The following KLHL2 variants were observed in gnomAD, a reference collection of about 807,000 sequenced individuals.
KLHL2 encodes kelch like family member 2.
A neutral mutation model predicts 75.8 loss-of-function variants in KLHL2; 15 were observed. The ratio of observed to expected loss-of-function variants is 0.20; its 90% CI spans 0.13 to 0.30. The LOEUF (loss-of-function observed/expected upper bound fraction) is 0.30. KLHL2 is among the 10% of genes least tolerant of loss of function. KLHL2 has a pLI of 1.00. For synonymous variants in KLHL2, 214 were observed against 251.9 expected (o/e 0.85, Z 1.42); for missense variants, 381 against 741.0 (o/e 0.51, Z 5.64).
intron 5 of KLHL2, among the ~76,000 whole-genome samples, chr4:165,290,902 G>T (rs1479198462): frequency 2.6e-5 from 4 of 152,182 alleles, no homozygotes; most frequent in Non-Finnish European, 5.9e-5. Context: ...AGGGGGTGGA[G>T]TTTGTTTGAT....
chr4:165,208,570 A>C (rs180935300), intron 1 of KLHL2: 4 of 152,314 alleles, frequency 2.6e-5, no homozygotes, highest in African/African-American at 9.6e-5. Flanking sequence ...ATTCAAGATC[A>C]CTGGCAACAG....
chr4:165,293,757 C>A (rs553257203), intron 5 of KLHL2, among the ~76,000 whole-genome samples: 54 of 148,780 alleles, frequency 3.6e-4, no homozygotes, highest in African/African-American at 1.2e-3. Context: ...ACCTTGTGAT[C>A]CGCCCGCCTC....
chr4:165,290,586 A>G (rs958078020), intron 5 of KLHL2, among the ~76,000 whole-genome samples: 1 of 152,132 alleles, frequency 6.6e-6, no homozygotes, highest in African/African-American at 2.4e-5. Flanking sequence ...TAATTTTTTT[A>G]TATAAACTTC....
chr4:165,270,517 C>T (rs560055144), intron 5 of KLHL2, among the ~76,000 whole-genome samples: 94 of 152,282 alleles, frequency 6.2e-4, no homozygotes, highest in Middle Eastern at 6.8e-3. Flanking sequence ...GTGTGGATGT[C>T]CTTTTTGTTG....
At chr4:165,239,375 G>A (rs547299304) in intron 4 of KLHL2, among the ~76,000 whole-genome samples, 8 of 150,964 alleles carry the variant, frequency 5.3e-5, no homozygotes, top group Admixed American at 2.0e-4. Flanking sequence ...GAGTCCTCCC[G>A]CTGCAGCCTC....
At chr4:165,251,454 T>C (rs1454931444) in intron 4 of KLHL2, among the ~76,000 whole-genome samples, 4 of 152,150 alleles carry the variant, frequency 2.6e-5, no homozygotes, top group Admixed American at 2.6e-4. Flanking sequence ...AGTTAAATTA[T>C]TTTTATTCAA....
chr4:165,264,605 T>TATATATATATATTATATATATAC, intron 5 of KLHL2, among the ~76,000 whole-genome samples: 1 of 124,130 alleles, frequency 8.1e-6, no homozygotes, highest in African/African-American at 3.1e-5. Context: ...TATATATATA[T>TATATATATATATTATATATATAC]ACACACACAC....
chr4:165,219,679 GA>G, intron 1 of KLHL2: 1 of 1,232,472 alleles, frequency 8.1e-7, no homozygotes. Context: ...CACTTCTGCT[GA>G]ATATTCTGTG....
chr4:165,229,750 G>A (rs1195217441), intron 3 of KLHL2, among the ~76,000 whole-genome samples: 1 of 152,230 alleles, frequency 6.6e-6, no homozygotes, highest in African/African-American at 2.4e-5. Flanking sequence ...AGATCTGAGT[G>A]CTCACAGCAG....
rs1242278656 is a variant in KLHL2, at chr4:165,279,068, C to G, written c.545-15291C>G. 4 of 1,518,936 alleles carry G rather than the reference C, an allele frequency of 2.6e-6. No individual in the cohort carries two copies. The East Asian group carries it at 9.0e-5, about 34-fold the overall frequency. The allele number at this position is 1,518,936 out of a possible 1,614,324, so 94.1% of individuals were successfully genotyped here. A position where few individuals can be genotyped will look rare whatever the true frequency, so the allele number is the denominator to read the frequency against. Reference sequence around the variant, plus strand: ...ATTTGTTACATCTGTACAGTGGACACCTCCATTGACGCCTCCTGTCAAACT... The same window carrying G: ...ATTTGTTACATCTGTACAGTGGACAGCTCCATTGACGCCTCCTGTCAAACT... On this transcript the variant is annotated intron_variant, in intron 5 of 14. Coordinates refer to ENST00000226725, the MANE Select transcript of KLHL2 (RefSeq NM_007246.4).
intron 5 of KLHL2, among the ~76,000 whole-genome samples, chr4:165,267,474 G>T (rs893550304): frequency 5.3e-5 from 8 of 152,206 alleles, no homozygotes; most frequent in African/African-American, 1.7e-4. Context: ...TTAGTATTTT[G>T]AGATACGTTC....
intron 4 of KLHL2, among the ~76,000 whole-genome samples, chr4:165,239,895 A>G (rs543096658): frequency 5.3e-5 from 8 of 151,584 alleles, no homozygotes; most frequent in South Asian, 4.2e-4. Flanking sequence ...AAGAAATACT[A>G]TACTTGTTCT....
At chr4:165,254,953 G>A (rs1741046869) in intron 4 of KLHL2, among the ~76,000 whole-genome samples, 1 of 152,216 alleles carries the variant, frequency 6.6e-6, no homozygotes, top group Non-Finnish European at 1.5e-5. Flanking sequence ...AAGAAAAAAA[G>A]CGCTGAGTCA....
chr4:165,210,810 A>T (rs1737151649), intron 1 of KLHL2, among the ~76,000 whole-genome samples: 1 of 152,226 alleles, frequency 6.6e-6, no homozygotes, highest in South Asian at 2.1e-4. Flanking sequence ...AAGGATTTTC[A>T]TAATAAGTTG....
chr4:165,229,541 C>G (rs1416146119), intron 3 of KLHL2, among the ~76,000 whole-genome samples: 1 of 152,110 alleles, frequency 6.6e-6, no homozygotes, highest in East Asian at 1.9e-4. Flanking sequence ...ATAGAAAATA[C>G]AAATAGAAAT....
intron 4 of KLHL2, among the ~76,000 whole-genome samples, chr4:165,244,589 A>G (rs1208017953): frequency 6.6e-6 from 1 of 152,230 alleles, no homozygotes; most frequent in Non-Finnish European, 1.5e-5. Context: ...TTAAACAGTC[A>G]TTGATGGAAT....
intron 5 of KLHL2, among the ~76,000 whole-genome samples, chr4:165,275,098 A>ATTTGT (rs376038678): frequency 6.8e-6 from 1 of 146,622 alleles, no homozygotes; most frequent in Non-Finnish European, 1.5e-5. Context: ...CTCCTGAAAG[A>ATTTGT]TTTATTTTAT....
intron 6 of KLHL2, 63 bp downstream of exon 6, chr4:165,294,531 C>CT (rs145366613): frequency 1.3e-4 from 111 of 841,994 alleles, no homozygotes; most frequent in Admixed American, 2.5e-4. Flanking sequence ...TTTAATTTCA[C>CT]TTTTTTTTAT....
At chr4:165,235,773 G>A (rs1484130137) in intron 3 of KLHL2, among the ~76,000 whole-genome samples, 1 of 152,174 alleles carries the variant, frequency 6.6e-6, no homozygotes, top group African/African-American at 2.4e-5. Flanking sequence ...AGAGGTTCCA[G>A]TGGAGATTAG....
Sources: allele counts gnomAD v4.1 joint callset (sites outside exome capture counted in the v4.1 genomes callset), GRCh38; gene constraint gnomAD v4.1.1; transcripts MANE v1.5; gene names NCBI Gene and HGNC (gene_info 2026-07-23, HGNC 2026-07-21).